Variants in AHRR observed in about 807,000 individuals in gnomAD.
The protein encoded by AHRR is aryl hydrocarbon receptor repressor.
Under a neutral mutation model 44.0 loss-of-function variants are expected in AHRR, and 28 were observed. The observed-to-expected ratio is 0.64, with a 90% CI of 0.47 to 0.87. The LOEUF (loss-of-function observed/expected upper bound fraction) is 0.87, where lower values mean the gene tolerates loss of function less well. AHRR is among the 40% of genes least tolerant of loss of function. The pLI, the probability that AHRR is intolerant of heterozygous loss-of-function variation, is 0.00. For missense variants in AHRR, 990 were observed against 953.9 expected (o/e 1.04, Z -0.50); for synonymous variants, 434 against 407.0 (o/e 1.07, Z -0.80).
chr5:396,075 G>A (rs1167025341), intron 4 of AHRR, among the ~76,000 whole-genome samples: 1 of 152,208 alleles, frequency 6.6e-6, no homozygotes, highest in African/African-American at 2.4e-5. Context: ...GCCCGGGAGG[G>A]TAAGAGAGGG....
chr5:388,388 G>T lies in AHRR; in HGVS notation c.351+11672G>T, dbSNP rs1734258761. ...CGCAGCCATCCATCGATGGCTATGG[G>T]GAGGGTACCTGCCATTACCTCTGTT... On this transcript the variant is annotated intron_variant, in intron 4 of 10. Transcript: ENST00000684583. The surrounding 1 kb of genome is among the most constrained non-coding windows in gnomAD (Gnocchi z 5.2). Among the ~76,000 whole-genome samples, 1 of 152,248 alleles carries T rather than the reference G, an allele frequency of 6.6e-6. No individual in the cohort carries two copies. The highest frequency in any genetic ancestry group is 1.5e-5 in the Non-Finnish European group (1 of 68,040).
rs917529664 is a variant in AHRR, at chr5:435,274, G to A, written c.*440G>A. The A allele has an allele frequency of 1.5e-5, 3 of 194,220 alleles. No homozygotes were observed. The highest frequency in any genetic ancestry group is 2.0e-4 in the South Asian group (2 of 10,070). 12.0% of individuals were successfully genotyped at this position (194,220 alleles called of 1,614,324 possible). A position where few individuals can be genotyped will look rare whatever the true frequency, so the allele number is the denominator to read the frequency against. Reference sequence around the variant, plus strand: ...GTCCGCAGTCGGGGATGAAGCGGTCGGGTGACACACCTAGCTCAGCCCTCC... The same window carrying A: ...GTCCGCAGTCGGGGATGAAGCGGTCAGGTGACACACCTAGCTCAGCCCTCC... On this transcript the variant is annotated 3_prime_UTR_variant, in exon 11 of 11. Transcript: ENST00000684583.
At chr5:327,110 T>C (rs1232620919) in intron 1 of AHRR, among the ~76,000 whole-genome samples, 4 of 152,176 alleles carry the variant, frequency 2.6e-5, no homozygotes, top group Non-Finnish European at 4.4e-5. Flanking sequence ...TAAATGGTAT[T>C]GAATTATGGA....
intron 5 of AHRR, among the ~76,000 whole-genome samples, chr5:421,588 C>T (rs1213519637): frequency 6.6e-6 from 1 of 152,216 alleles, no homozygotes; most frequent in Admixed American, 6.5e-5. Context: ...CATGGCAGAG[C>T]CGCGGAGGAG....
At chr5:360,652 A>T (rs1235340901) in intron 3 of AHRR, among the ~76,000 whole-genome samples, 3 of 152,206 alleles carry the variant, frequency 2.0e-5, no homozygotes, top group Non-Finnish European at 2.9e-5. Flanking sequence ...ACTGATAGAA[A>T]TGTGAGCATT....
Position 423,856 on chromosome 5 carries a change from TG to T in AHRR, c.591del (p.Arg198GlyfsTer20). The part of the protein sequence containing the change: ...PPLETGDDAI[L>X]GRLLRAQEWG... ...TGGTCTGCAGGAGATGATGCTATCCTGGGGAGGCTGCTCAGGGCCCAGGAGT... is the reference window on the plus strand; with the variant it reads ...TGGTCTGCAGGAGATGATGCTATCCTGGGAGGCTGCTCAGGGCCCAGGAGT... On this transcript the variant is annotated frameshift_variant, in exon 7 of 11. Coordinates refer to ENST00000684583, the MANE Select transcript of AHRR (RefSeq NM_001377236.1). 1.2e-6 allele frequency: 2 copies of T among 1,605,176 alleles called. No homozygotes were observed.
rs1400651789 is a variant in AHRR, at chr5:343,953, C to CCT, written c.52_53dup (p.Gln19CysfsTer59). 1 of 1,598,734 alleles carries CCT rather than the reference C, an allele frequency of 6.3e-7. No homozygotes were observed. The highest frequency in any genetic ancestry group is 1.4e-5 in the African/African-American group (1 of 72,346). ...ACGCGGGCCGGAAGCGGAGGAGGCC[C>CCT]CTGCAGAAACAGTAAAGTATCCCGC... On this transcript the variant is annotated frameshift_variant, in exon 2 of 11. Coordinates refer to ENST00000684583, the MANE Select transcript of AHRR (RefSeq NM_001377236.1). LOFTEE classifies it high-confidence loss of function.
intron 3 of AHRR, among the ~76,000 whole-genome samples, chr5:374,115 G>A (rs1301063053): frequency 6.6e-6 from 1 of 152,128 alleles, no homozygotes; most frequent in East Asian, 1.9e-4. Flanking sequence ...TGCACCGGCC[G>A]CCTGGGTGGT....
chr5:322,273 G>T (rs1741522590), intron 1 of AHRR, among the ~76,000 whole-genome samples: 2 of 152,176 alleles, frequency 1.3e-5, no homozygotes, highest in South Asian at 4.1e-4. Context: ...ATTTTGAGCG[G>T]CCAGAATTCC....
At chr5:361,504 T>C (rs1047599047) in intron 3 of AHRR, among the ~76,000 whole-genome samples, 4 of 152,128 alleles carry the variant, frequency 2.6e-5, no homozygotes, top group Non-Finnish European at 4.4e-5. Flanking sequence ...CAGGTGCCAC[T>C]TCCACCACAG....
At position 376,626 on chromosome 5, in the gene AHRR, C is replaced by A; in HGVS notation, c.261C>A (p.Ser87Arg). The part of the protein sequence containing the change: ...KSFFQVVQEQ[S>R]SRQPAAGAPS... ...CTCTGACAGTCGTGCAGGAGCAGAG[C>A]TCACGGCAGCCTGCGGCCGGCGCCC... is the stretch of plus-strand genomic sequence containing the variant. Residue 87 changes from serine to arginine, a missense_variant, in exon 4 of 11, where the codon AGC (serine) becomes AGA (arginine). Transcript: ENST00000684583. 9.6e-7 allele frequency: 1 copy of A among 1,039,678 alleles called. No individual in the cohort carries two copies. Among genetic ancestry groups the A allele is most frequent in the Admixed American group, 3.8e-5 (1 of 26,042 alleles). 64.4% of individuals were successfully genotyped at this position (1,039,678 alleles called of 1,614,324 possible).
chr5:422,427 G>A lies in AHRR; in HGVS notation c.442-302G>A, dbSNP rs1258655255. 5 of 419,058 alleles carry A rather than the reference G, an allele frequency of 1.2e-5. No homozygotes were observed. The East Asian group carries it at 2.7e-4, about 23-fold the overall frequency. 26.0% of individuals were successfully genotyped at this position (419,058 alleles called of 1,614,324 possible). ...AGTCGACAGGAAAGTGGATGTCTTG[G>A]CCCCAGAGTGTCTGCGGCCCAGAAG... On this transcript the variant is annotated intron_variant, in intron 5 of 10. Transcript: ENST00000684583.
intron 5 of AHRR, among the ~76,000 whole-genome samples, chr5:413,902 G>C (rs1490836614): frequency 6.6e-6 from 1 of 152,228 alleles, no homozygotes; most frequent in Non-Finnish European, 1.5e-5. Context: ...TCCAGGCAGA[G>C]AATGGGGTTG....
intron 1 of AHRR, 146 bp from the exon 2 acceptor site, chr5:343,747 G>T (rs895698042): frequency 6.8e-6 from 5 of 737,662 alleles, no homozygotes; most frequent in Admixed American, 3.0e-5. Flanking sequence ...GGGCCAGGGG[G>T]TCCCACGAGG....
At chr5:380,207 A>C (rs1286220542) in intron 4 of AHRR, among the ~76,000 whole-genome samples, 5 of 152,252 alleles carry the variant, frequency 3.3e-5, no homozygotes, top group Non-Finnish European at 7.3e-5. Context: ...ACCTTTTAAC[A>C]ATACCACATT....
intron 2 of AHRR, among the ~76,000 whole-genome samples, chr5:347,677 T>C (rs995323452): frequency 6.6e-6 from 1 of 152,166 alleles, no homozygotes; most frequent in African/African-American, 2.4e-5. Flanking sequence ...GAGGCTGGTG[T>C]GTCCAAGCAT....
chr5:386,650 C>T (rs780188613), intron 4 of AHRR, among the ~76,000 whole-genome samples: 1 of 152,232 alleles, frequency 6.6e-6, no homozygotes, highest in Non-Finnish European at 1.5e-5. Context: ...CTTTAGCCCA[C>T]GGAGATCATT....
At chr5:369,473 C>T (rs564212308) in intron 3 of AHRR, among the ~76,000 whole-genome samples, 1 of 152,376 alleles carries the variant, frequency 6.6e-6, no homozygotes, top group South Asian at 2.1e-4. Context: ...AACAGACCTA[C>T]AGCTAGGCGA....
intron 4 of AHRR, among the ~76,000 whole-genome samples, chr5:401,706 G>T (rs1049556829): frequency 6.6e-6 from 1 of 152,202 alleles, no homozygotes; most frequent in Non-Finnish European, 1.5e-5. Flanking sequence ...AACCCTCGCC[G>T]CAGCTTCTGA....
Sources: gnomAD v4.1 joint callset for allele counts (sites outside exome capture counted in the v4.1 genomes callset) on GRCh38, gnomAD v4.1.1 for gene constraint, Gnocchi (gnomAD v3.1) non-coding constraint, MANE v1.5 for transcripts, NCBI Gene and HGNC (gene_info 2026-07-23, HGNC 2026-07-21) for gene names.